Variants in MILR1 observed in about 807,000 individuals in gnomAD.
The protein encoded by MILR1 is mast cell immunoglobulin like receptor 1.
A neutral mutation model predicts 18.5 loss-of-function variants in MILR1; 31 were observed. The observed-to-expected ratio is 1.68, with a 90% confidence interval of 1.26 to 2.26. The LOEUF (loss-of-function observed/expected upper bound fraction) is 2.26, where lower values mean the gene tolerates loss of function less well. MILR1 is among the 30% of genes most tolerant of loss of function. The pLI, the probability that MILR1 is intolerant of heterozygous loss-of-function variation, is 0.00. For missense variants in MILR1, 257 were observed against 157.4 expected (o/e 1.63, Z -3.38); for synonymous variants, 85 against 56.2 (o/e 1.51, Z -2.30).
chr17:64,467,512 C>A, intron 8 of MILR1, 53 bp from the exon 9 acceptor site: 1 of 1,144,354 alleles, frequency 8.7e-7, no homozygotes, highest in Non-Finnish European at 1.3e-6. Context: ...TTTTTAAAAA[C>A]AGCCTTGCTG....
chr17:64,459,459 A>AAAAGAG lies in MILR1; in HGVS notation c.653-1362_653-1361insAAGAGA, dbSNP rs1384390287. Among the ~76,000 whole-genome samples the AAAAGAG allele has an allele frequency of 5.3e-5, 8 of 151,652 alleles. 1 individual carries two copies. The East Asian group carries it at 1.5e-3, about 29-fold the overall frequency. On this transcript the variant is annotated intron_variant, in intron 4 of 9. Transcript: ENST00000619286. ...CAAAGAAAAAAGAAAAAGAAAAAGA[A>AAAAGAG]AGAAAAGAAAAACTAGGTTAGCAAA...
the MILR1 span, chr17:64,496,990 A>G: frequency 6.3e-7 from 1 of 1,593,206 alleles, no homozygotes; most frequent in African/African-American, 1.3e-5. Flanking sequence ...GTTAAAGAGC[A>G]CACTCTCCCA....
chr17:64,457,638 G>A lies in MILR1; in HGVS notation c.606G>A (p.Leu202=). Residue 202 remains leucine (L), a synonymous_variant, in exon 4 of 10, where the codon TTG becomes TTA. Transcript: ENST00000619286. The part of the protein sequence containing the change: ...EEYRCEAKNR[L]PNYATYSHPV... ...ATAGGTGTGAAGCTAAAAACAGATT[G>A]CCTAACTATGCAACATACAGTCACC... 1 of 475,258 alleles carries A rather than the reference G, an allele frequency of 2.1e-6. No homozygotes were observed. The highest frequency in any genetic ancestry group is 3.9e-6 in the Non-Finnish European group (1 of 259,056). 29.4% of individuals were successfully genotyped at this position (475,258 alleles called of 1,614,324 possible). A position where few individuals can be genotyped will look rare whatever the true frequency, so the allele number is the denominator to read the frequency against.
intron 3 of MILR1, among the ~76,000 whole-genome samples, chr17:64,456,153 T>C (rs2037295808): frequency 6.6e-6 from 1 of 152,016 alleles, no homozygotes; most frequent in South Asian, 2.1e-4. Flanking sequence ...TTTCTCAATC[T>C]CTCTGAAGCA....
chr17:64,489,476 C>T, the MILR1 span, among the ~76,000 whole-genome samples: 1 of 151,154 alleles, frequency 6.6e-6, no homozygotes, highest in African/African-American at 2.4e-5. Flanking sequence ...AATTTGGTGA[C>T]ATGGCCAAAC....
downstream of MILR1, among the ~76,000 whole-genome samples, chr17:64,471,856 T>C (rs1207030797): frequency 1.3e-5 from 2 of 152,208 alleles, no homozygotes; most frequent in African/African-American, 4.8e-5. Flanking sequence ...GTTCTAAATA[T>C]GTACAGGAAC....
the MILR1 span, chr17:64,485,776 G>A: frequency 1.6e-5 from 25 of 1,612,758 alleles, no homozygotes; most frequent in Middle Eastern, 1.6e-4. Flanking sequence ...CTGTCAGCTG[G>A]AAAGAATCAT....
At chr17:64,462,193 T>G (rs1372072197) in intron 5 of MILR1, among the ~76,000 whole-genome samples, 1 of 152,128 alleles carries the variant, frequency 6.6e-6, no homozygotes, top group African/African-American at 2.4e-5. Context: ...TCTCTCTTCT[T>G]TTTTTATTCT....
chr17:64,477,823 C>A, the MILR1 span: 4 of 1,572,196 alleles, frequency 2.5e-6, no homozygotes, highest in East Asian at 2.3e-5. Context: ...ATATAAAAAT[C>A]TATACATTCT....
chr17:64,474,067 C>T, the MILR1 span, among the ~76,000 whole-genome samples: 1 of 152,020 alleles, frequency 6.6e-6, no homozygotes, highest in Non-Finnish European at 1.5e-5. Context: ...ATTTATTTTT[C>T]ATTTGTTATT....
At chr17:64,483,714 A>G in the MILR1 span, among the ~76,000 whole-genome samples, 1 of 151,264 alleles carries the variant, frequency 6.6e-6, no homozygotes, top group Non-Finnish European at 1.5e-5. Context: ...TTTTTAAATG[A>G]AATTTGCTTT....
intron 2 of MILR1, among the ~76,000 whole-genome samples, chr17:64,450,582 G>A (rs1361725913): frequency 6.7e-6 from 1 of 150,104 alleles, no homozygotes; most frequent in African/African-American, 2.5e-5. Flanking sequence ...TGGGTTCAAG[G>A]GATCCTCCTG....
In MILR1 at chr17:64,449,118, A is replaced by G. The variant is rs1400676613; in HGVS notation, c.-51A>G. Reference sequence around the variant, plus strand: ...GAGGAAGTTCTCCGAGTTACTCACCACTGTGGTTCTACTATGCCTTCTGAC... The same window carrying G: ...GAGGAAGTTCTCCGAGTTACTCACCGCTGTGGTTCTACTATGCCTTCTGAC... On this transcript the variant is annotated 5_prime_UTR_variant, in exon 1 of 10. Transcript: ENST00000619286. 2.0e-5 allele frequency: 9 copies of G among 448,502 alleles called. No individual in the cohort carries two copies. Among genetic ancestry groups the G allele is most frequent in the Non-Finnish European group, 3.7e-5 (9 of 244,708 alleles). The allele number at this position is 448,502 out of a possible 1,614,324, so 27.8% of individuals were successfully genotyped here. A position where few individuals can be genotyped will look rare whatever the true frequency, so the allele number is the denominator to read the frequency against.
chr17:64,449,335 G>A lies in MILR1; in HGVS notation c.77G>A (p.Cys26Tyr), dbSNP rs929240110. 24 of 472,968 alleles carry A rather than the reference G, an allele frequency of 5.1e-5. No individual in the cohort carries two copies. The highest frequency in any genetic ancestry group is 3.2e-4 in the African/African-American group (16 of 50,618). 29.3% of individuals were successfully genotyped at this position (472,968 alleles called of 1,614,324 possible). The change falls in exon 2 of 10, where the codon TGT (cysteine) becomes TAT (tyrosine). Residue 26 changes from cysteine to tyrosine, a missense_variant. Coordinates refer to ENST00000619286, the MANE Select transcript of MILR1 (RefSeq NM_001085423.2). The stretch of plus-strand genomic sequence containing the variant: ...TCAGGTAGAAAAGCTGTATTGGATT[G>A]TGAGGCAATGAAAACAAATGGTAAG... ...SVTCRKAVLD[C>Y]EAMKTNEFPS...
chr17:64,459,734 G>A (rs1409810442), intron 4 of MILR1, among the ~76,000 whole-genome samples: 1 of 152,162 alleles, frequency 6.6e-6, no homozygotes, highest in East Asian at 1.9e-4. Flanking sequence ...AGGCAACACA[G>A]GTGAAGTGCC....
At chr17:64,478,364 T>C in the MILR1 span, among the ~76,000 whole-genome samples, 6 of 152,186 alleles carry the variant, frequency 3.9e-5, no homozygotes, top group Non-Finnish European at 5.9e-5. Context: ...AACAATATTA[T>C]AATAAAGATG....
At chr17:64,480,241 CA>C in the MILR1 span, 1 of 746,578 alleles carries the variant, frequency 1.3e-6, no homozygotes, top group Non-Finnish European at 2.2e-6. Context: ...TAAACATAAT[CA>C]AAAACTCTTG....
At chr17:64,457,298 G>C (rs1203563702) in intron 3 of MILR1, 102 bp from the exon 4 acceptor site, 1 of 410,362 alleles carries the variant, frequency 2.4e-6, no homozygotes, top group Non-Finnish European at 4.4e-6. Context: ...GTTCATCTTG[G>C]TTCCACAGCC....
chr17:64,457,352 G>A, intron 3 of MILR1, 48 bp from the exon 4 acceptor site: 1 of 460,240 alleles, frequency 2.2e-6, no homozygotes, highest in Non-Finnish European at 4.0e-6. Context: ...GTCTGAGTGA[G>A]CACACCCAGT....
Sources: gnomAD v4.1 joint callset for allele counts (sites outside exome capture counted in the v4.1 genomes callset) on GRCh38, gnomAD v4.1.1 for gene constraint, MANE v1.5 for transcripts, NCBI Gene and HGNC (gene_info 2026-07-23, HGNC 2026-07-21) for gene names.